The following PTPRT variants were observed in gnomAD, a reference collection of about 807,000 sequenced individuals.
PTPRT encodes receptor-type tyrosine-protein phosphatase T.
PTPRT carries 56 observed loss-of-function variants against 176.8 expected under a neutral mutation model. The observed-to-expected ratio is 0.32, with a 90% CI of 0.26 to 0.40. PTPRT has a LOEUF of 0.40. Among genes scored for constraint, PTPRT ranks in the 10% least tolerant of loss-of-function variants. PTPRT has a pLI of 1.00. For synonymous variants in PTPRT, 783 were observed against 739.0 expected (o/e 1.06, Z -0.96); for missense variants, 1,540 against 1,908.2 (o/e 0.81, Z 3.60).
At chr20:42,907,549 A>G (rs2079494170) in intron 1 of PTPRT, among the ~76,000 whole-genome samples, 1 of 152,166 alleles carries the variant, frequency 6.6e-6, no homozygotes, top group African/African-American at 2.4e-5. Flanking sequence ...TATACACTAC[A>G]CAACTCGTTC....
rs1006560726 is a variant in PTPRT, at chr20:42,073,831, C to T, written c.*7048G>A. On this transcript the variant is annotated 3_prime_UTR_variant, in exon 31 of 31. Transcript: ENST00000373187. ...GAGTTCAAACATGATCCCAGCTCCA[C>T]AAGATCTCACCCATCTGGAATGGAA... 4.4e-6 allele frequency: 1 copy of T among 226,264 alleles called. No individual in the cohort carries two copies. Among genetic ancestry groups the T allele is most frequent in the African/African-American group, 2.2e-5 (1 of 44,954 alleles). The allele number at this position is 226,264 out of a possible 1,614,324, so 14.0% of individuals were successfully genotyped here.
chr20:42,372,712 CT>C (rs761100868), intron 9 of PTPRT, among the ~76,000 whole-genome samples: 1 of 152,080 alleles, frequency 6.6e-6, no homozygotes, highest in Non-Finnish European at 1.5e-5. Flanking sequence ...AAGGTGGGAC[CT>C]TTGGGAGGGC....
chr20:42,627,436 AT>A (rs1383966478), intron 7 of PTPRT, among the ~76,000 whole-genome samples: 1 of 151,828 alleles, frequency 6.6e-6, no homozygotes, highest in Admixed American at 6.6e-5. Context: ...CACCCAGCTA[AT>A]TTTTTTAATT....
At chr20:42,624,008 C>CAAAAAA (rs2074247421) in intron 7 of PTPRT, among the ~76,000 whole-genome samples, 1 of 116,664 alleles carries the variant, frequency 8.6e-6, no homozygotes, top group African/African-American at 3.5e-5. Context: ...ACAATAGCAA[C>CAAAAAA]AAACAAACAA....
chr20:42,573,134 CA>C (rs1324606546), intron 7 of PTPRT, among the ~76,000 whole-genome samples: 2 of 152,140 alleles, frequency 1.3e-5, no homozygotes, highest in African/African-American at 4.8e-5. Flanking sequence ...AGGAATTGGG[CA>C]ACAAGGTGTA....
At chr20:42,535,468 TATAAA>T (rs1315919431) in intron 7 of PTPRT, among the ~76,000 whole-genome samples, 2 of 152,172 alleles carry the variant, frequency 1.3e-5, no homozygotes, top group Admixed American at 1.3e-4. Context: ...CCCCAGAGCC[TATAAA>T]ATAAAAGTTA....
chr20:42,052,761 A>T, the PTPRT span, among the ~76,000 whole-genome samples: 2 of 152,180 alleles, frequency 1.3e-5, no homozygotes, highest in South Asian at 4.2e-4. Flanking sequence ...GCAATCTCTG[A>T]TTAGGGTGAG....
At chr20:42,749,302 G>A (rs1257936192) in intron 6 of PTPRT, among the ~76,000 whole-genome samples, 1 of 152,088 alleles carries the variant, frequency 6.6e-6, no homozygotes, top group East Asian at 1.9e-4. Flanking sequence ...CCCACTCAGT[G>A]TCTCAAAACT....
chr20:42,746,390 C>CATGAGGAGGATGGGGAATG (rs2076691351), intron 6 of PTPRT, among the ~76,000 whole-genome samples: 1 of 152,046 alleles, frequency 6.6e-6, no homozygotes, highest in South Asian at 2.1e-4. Context: ...ACCGGGCACC[C>CATGAGGAGGATGGGGAATG]ATGAGGAGGA....
Position 42,771,427 on chromosome 20 carries a change from A to G in PTPRT, c.684+8T>C, listed in dbSNP as rs2145462866. 2 of 1,609,184 alleles carry G rather than the reference A, an allele frequency of 1.2e-6. No homozygotes were observed. The highest frequency in any genetic ancestry group is 1.3e-5 in the African/African-American group (1 of 74,894). ...ACGAGTCTGAGCAGAGGCTTCTCTC[A>G]TGCTTACCTGGAGCCAAAGCTTGTC... is the stretch of plus-strand genomic sequence containing the variant. On this transcript the variant is annotated splice_region_variant and intron_variant, in intron 5 of 30. Transcript: ENST00000373187.
At chr20:42,698,710 T>C (rs993613188) in intron 6 of PTPRT, among the ~76,000 whole-genome samples, 1 of 152,206 alleles carries the variant, frequency 6.6e-6, no homozygotes, top group Non-Finnish European at 1.5e-5. Flanking sequence ...GCATCATTTA[T>C]TCATTCATCC....
intron 9 of PTPRT, among the ~76,000 whole-genome samples, chr20:42,447,474 T>A (rs374648507): frequency 2.6e-5 from 4 of 152,074 alleles, no homozygotes; most frequent in African/African-American, 4.8e-5. Flanking sequence ...TGTAATCTTA[T>A]GTTGTGTAAG....
At chr20:42,990,624 A>G (rs1053221148) in intron 1 of PTPRT, among the ~76,000 whole-genome samples, 12 of 152,316 alleles carry the variant, frequency 7.9e-5, no homozygotes, top group East Asian at 3.9e-4. Flanking sequence ...AGTGAAGATG[A>G]TATGTCTTGG....
At chr20:42,092,130 A>G (rs766419356) in intron 27 of PTPRT, among the ~76,000 whole-genome samples, 6 of 152,152 alleles carry the variant, frequency 3.9e-5, no homozygotes, top group African/African-American at 7.2e-5. Context: ...AATGGGAAGA[A>G]AATGGTTTGG....
chr20:42,865,546 A>AGGAAGATGG, intron 2 of PTPRT, among the ~76,000 whole-genome samples: 1 of 152,296 alleles, frequency 6.6e-6, no homozygotes, highest in East Asian at 1.9e-4. Flanking sequence ...TAGTTCATTG[A>AGGAAGATGG]GGAAGATGGG....
intron 1 of PTPRT, among the ~76,000 whole-genome samples, chr20:43,162,767 C>A (rs532636823): frequency 6.6e-6 from 1 of 152,138 alleles, no homozygotes; most frequent in Non-Finnish European, 1.5e-5. Context: ...TTCATGATGA[C>A]CCGCTGGACA....
At chr20:43,123,774 C>A (rs117119246) in intron 1 of PTPRT, among the ~76,000 whole-genome samples, 5,091 of 152,252 alleles carry the variant, frequency 0.033, 121 homozygotes, top group Non-Finnish European at 0.053. Flanking sequence ...GCACTATGAC[C>A]CAGCTGAAAG....
intron 1 of PTPRT, among the ~76,000 whole-genome samples, chr20:43,150,989 C>T (rs950441097): frequency 6.6e-6 from 1 of 152,118 alleles, no homozygotes; most frequent in Non-Finnish European, 1.5e-5. Flanking sequence ...TGTATCTAAT[C>T]TTAGCACTTC....
intron 1 of PTPRT, among the ~76,000 whole-genome samples, chr20:43,053,415 C>A (rs1478942644): frequency 6.6e-6 from 1 of 152,212 alleles, no homozygotes; most frequent in African/African-American, 2.4e-5. Context: ...AAACACAAAT[C>A]TGGCAGAGCT....
Sources: allele counts gnomAD v4.1 joint callset (sites outside exome capture counted in the v4.1 genomes callset), GRCh38; gene constraint gnomAD v4.1.1; transcripts MANE v1.5; gene names NCBI Gene and HGNC (gene_info 2026-07-23, HGNC 2026-07-21).